Variants in KCP observed in about 807,000 individuals in gnomAD.
KCP encodes the protein kielin/chordin-like protein.
A neutral mutation model predicts 212.7 loss-of-function variants in KCP; 194 were observed. The observed-to-expected ratio is 0.91, with a 90% CI of 0.81 to 1.03. The LOEUF is 1.03. Ranked by LOEUF, KCP falls within the 50% of genes least tolerant of loss-of-function variation. The pLI is 0.00. For synonymous variants in KCP, 833 were observed against 865.3 expected (o/e 0.96, Z 0.65); for missense variants, 2,080 against 2,162.5 (o/e 0.96, Z 0.76).
chr7:128,889,164 G>A (rs1483631099), intron 21 of KCP, 125 bp from the exon 22 acceptor site: 9 of 687,522 alleles, frequency 1.3e-5, no homozygotes, highest in African/African-American at 3.8e-5. Flanking sequence ...TGGGGGCTGG[G>A]GGGTCACAGG....
At chr7:128,888,579 G>A (rs1793880973) in intron 22 of KCP, among the ~76,000 whole-genome samples, 2 of 117,414 alleles carry the variant, frequency 1.7e-5, no homozygotes, top group Non-Finnish European at 3.6e-5. Flanking sequence ...TATACACACG[G>A]CCACACACAC....
intron 23 of KCP, 60 bp from the exon 24 acceptor site, chr7:128,887,026 C>G (rs780450895): frequency 5.5e-5 from 59 of 1,080,318 alleles, no homozygotes; most frequent in Admixed American, 8.5e-5. Flanking sequence ...AGGGCTGGAG[C>G]CCCTACTGAG....
Position 128,893,384 on chromosome 7 carries a change from C to T in KCP, c.1185+7G>A, listed in dbSNP as rs550273589. Reference sequence around the variant, plus strand: ...CAGATCTGGGTGTGAGCGGAGGGACCGCCTACCTGGCAGGAGCAGCGGACA... The same window carrying T: ...CAGATCTGGGTGTGAGCGGAGGGACTGCCTACCTGGCAGGAGCAGCGGACA... On this transcript the variant is annotated splice_region_variant and intron_variant, in intron 12 of 39. Coordinates refer to ENST00000610776, the MANE Select transcript of KCP (RefSeq NM_001366122.1). The T allele has an allele frequency of 4.9e-5, 76 of 1,551,594 alleles. No homozygotes were observed. The Admixed American group carries it at 1.2e-3, about 25-fold the overall frequency.
At chr7:128,904,217 C>T (rs1382312579) in intron 5 of KCP, 79 bp from the exon 6 acceptor site, 3 of 1,526,266 alleles carry the variant, frequency 2.0e-6, no homozygotes, top group South Asian at 1.2e-5. Context: ...GGCATGACCC[C>T]AAGTAGGTAC....
At position 128,884,058 on chromosome 7, in the gene KCP, C is replaced by T; in HGVS notation, c.3188G>A (p.Cys1063Tyr). ...HRRQCPSLVG[C>Y]PPSQLLPPGP... ...AGGGGGCAGGAGCTGGCTGGGGGGG[C>T]AGCCCACCAGGCTGGGACACTGCCG... Residue 1063 changes from cysteine to tyrosine, a missense_variant, in exon 29 of 40, where the codon TGC (cysteine) becomes TAC (tyrosine). Physicochemically the swap from Cys to Tyr is radical, Grantham distance 194 (BLOSUM62 -2). Coordinates refer to ENST00000610776, the MANE Select transcript of KCP (RefSeq NM_001366122.1). The T allele has an allele frequency of 1.3e-6, 2 of 1,545,090 alleles. No homozygotes were observed. The highest frequency in any genetic ancestry group is 1.2e-5 in the South Asian group (1 of 83,676).
Position 128,891,787 on chromosome 7 carries a change from C to T in KCP, c.1654G>A (p.Gly552Ser), listed in dbSNP as rs1227197265. The part of the protein sequence containing the change: ...CILEEEVFVD[G>S]ESFSHPRDPC... ...TCTCGGGGGTGGGAGAAGCTCTCGCCGTCCACAAACACCTCTTCCTCCAGG... is the reference window on the plus strand; with the variant it reads ...TCTCGGGGGTGGGAGAAGCTCTCGCTGTCCACAAACACCTCTTCCTCCAGG... Residue 552 changes from glycine to serine, a missense_variant, in exon 17 of 40, where the codon GGC becomes AGC. Gly to Ser is a moderately conservative substitution (Grantham distance 56). Transcript: ENST00000610776. 7.6e-6 allele frequency: 11 copies of T among 1,448,430 alleles called. No individual in the cohort carries two copies. Among genetic ancestry groups the T allele is most frequent in the African/African-American group, 2.9e-5 (2 of 69,212 alleles). 89.7% of individuals were successfully genotyped at this position (1,448,430 alleles called of 1,614,324 possible).
At position 128,891,787 on chromosome 7, in the gene KCP, C is replaced by G; in HGVS notation, c.1654G>C (p.Gly552Arg). 1.4e-6 allele frequency: 2 copies of G among 1,448,548 alleles called. No individual in the cohort carries two copies. Among genetic ancestry groups the G allele is most frequent in the Non-Finnish European group, 1.8e-6 (2 of 1,098,526 alleles). The allele number at this position is 1,448,548 out of a possible 1,614,324, so 89.7% of individuals were successfully genotyped here. The change falls in exon 17 of 40, where the codon GGC becomes CGC. Residue 552 changes from glycine to arginine, a missense_variant. Physicochemically the swap from Gly to Arg is moderately radical, Grantham distance 125 (BLOSUM62 -2). Transcript: ENST00000610776. The stretch of plus-strand genomic sequence containing the variant: ...TCTCGGGGGTGGGAGAAGCTCTCGC[C>G]GTCCACAAACACCTCTTCCTCCAGG... Reference protein sequence around the residue: ...CILEEEVFVDGESFSHPRDPC... With the variant: ...CILEEEVFVDRESFSHPRDPC...
intron 26 of KCP, among the ~76,000 whole-genome samples, chr7:128,885,744 C>A (rs56284827): frequency 0.035 from 5,300 of 152,270 alleles, 298 homozygotes; most frequent in African/African-American, 0.11. Context: ...TGTAGAAACA[C>A]CACCACACTG....
chr7:128,892,891 G>C lies in KCP; in HGVS notation c.1398C>G (p.Cys466Trp). 1.3e-6 allele frequency: 2 copies of C among 1,548,954 alleles called. No homozygotes were observed. Among genetic ancestry groups the C allele is most frequent in the Non-Finnish European group, 1.7e-6 (2 of 1,145,186 alleles). Residue 466 changes from cysteine to tryptophan, a missense_variant, in exon 14 of 40, where the codon TGC becomes TGG. Transcript: ENST00000610776. ...CACCAGGGGGCTGGGTGGGGTGCTG[G>C]CAGGGGGCTGGGGGGCAGAGCACAG... is the stretch of plus-strand genomic sequence containing the variant. The part of the protein sequence containing the change: ...CGAVLCPPAP[C>W]QHPTQPPGAC...
chr7:128,893,489 A>C lies in KCP; in HGVS notation c.1100-13T>G. On this transcript the variant is annotated splice_polypyrimidine_tract_variant and intron_variant, in intron 11 of 39. Transcript: ENST00000610776. ...TGGTACTCACAGCCTGGATGGGATG[A>C]CAGGGGCGTGGGGGTATAGGGCTGG... 1 of 1,534,790 alleles carries C rather than the reference A, an allele frequency of 6.5e-7. No individual in the cohort carries two copies.
At chr7:128,887,930 TACAA>T (rs1368325912) in intron 22 of KCP, among the ~76,000 whole-genome samples, 30 of 104,888 alleles carry the variant, frequency 2.9e-4, no homozygotes, top group African/African-American at 9.2e-4. Flanking sequence ...CACACAGCCA[TACAA>T]ACACATAGCC....
At chr7:128,891,137 C>T (rs1420043061) in intron 19 of KCP, 41 bp from the exon 20 acceptor site, 1 of 1,535,428 alleles carries the variant, frequency 6.5e-7, no homozygotes, top group Non-Finnish European at 8.7e-7. Context: ...AGGAACAGGC[C>T]TCCGAGGGGA....
chr7:128,882,007 C>T lies in KCP; in HGVS notation c.3254G>A (p.Ser1085Asn). Reference protein sequence around the residue: ...HCCPTCAEALSNCSEGLLGSE... With the variant: ...HCCPTCAEALNNCSEGLLGSE... Reference sequence around the variant, plus strand: ...TCCCAGCAGGCCCTCTGAACAGTTACTCAAGGCCTCTGTGAAGACAAGAAT... The same window carrying T: ...TCCCAGCAGGCCCTCTGAACAGTTATTCAAGGCCTCTGTGAAGACAAGAAT... Residue 1085 changes from serine (S) to asparagine (N), a missense_variant, in exon 30 of 40, where the codon AGT becomes AAT. Transcript: ENST00000610776. The T allele has an allele frequency of 1.3e-6, 2 of 1,551,082 alleles. No homozygotes were observed. Among genetic ancestry groups the T allele is most frequent in the Non-Finnish European group, 1.7e-6 (2 of 1,146,850 alleles).
Position 128,893,438 on chromosome 7 carries a change from T to G in KCP, c.1138A>C (p.Thr380Pro), listed in dbSNP as rs1794307591. Residue 380 changes from threonine (T) to proline (P), a missense_variant, in exon 12 of 40, where the codon ACC becomes CCC. By Grantham distance (38) the Thr-to-Pro change is conservative (BLOSUM62 -1). Coordinates refer to ENST00000610776, the MANE Select transcript of KCP (RefSeq NM_001366122.1). ...YQGHQYQSQE[T>P]FRLQERGLCV... ...AGGCCCCGCTCTTGGAGTCTGAAGGTCTCCTGGCTCTGATACTGGTGTCCC... is the reference window on the plus strand; with the variant it reads ...AGGCCCCGCTCTTGGAGTCTGAAGGGCTCCTGGCTCTGATACTGGTGTCCC... 1 of 1,551,490 alleles carries G rather than the reference T, an allele frequency of 6.4e-7. No homozygotes were observed. The highest frequency in any genetic ancestry group is 8.7e-7 in the Non-Finnish European group (1 of 1,146,894).
At chr7:128,886,812 G>T in intron 24 of KCP, 64 bp downstream of exon 24, 1 of 1,441,006 alleles carries the variant, frequency 6.9e-7, no homozygotes, top group Non-Finnish European at 9.5e-7. Context: ...GGCCTGGCAG[G>T]AAGGGAAGGG....
chr7:128,908,332 T>C (rs1195389455), intron 2 of KCP, 94 bp downstream of exon 2: 1 of 1,180,552 alleles, frequency 8.5e-7, no homozygotes, highest in Non-Finnish European at 1.1e-6. Context: ...AGAGCTCTAT[T>C]TTAGGCTCCC....
intron 26 of KCP, among the ~76,000 whole-genome samples, chr7:128,885,675 T>C (rs564355907): frequency 6.6e-6 from 1 of 152,286 alleles, no homozygotes; most frequent in African/African-American, 2.4e-5. Context: ...TAAATGGGGA[T>C]TTCCTCTGTC....
At position 128,908,458 on chromosome 7, in the gene KCP, G is replaced by A; in HGVS notation, c.187C>T (p.Leu63=). Residue 63 remains leucine, a synonymous_variant, in exon 2 of 40, where the codon CTG becomes TTG. Transcript: ENST00000610776. ...WHPLREWLGR[L]EAAVMELREQ... The stretch of plus-strand genomic sequence containing the variant: ...CTGAGCTCCATCACTGCAGCCTCCA[G>A]TCGCCCCAGCCACTCTCGCAGGGGG... The A allele has an allele frequency of 6.4e-7, 1 of 1,551,278 alleles. No homozygotes were observed. Among genetic ancestry groups the A allele is most frequent in the Non-Finnish European group, 8.7e-7 (1 of 1,146,932 alleles).
Position 128,891,452 on chromosome 7 carries a change from A to G in KCP, c.1877T>C (p.Leu626Pro). Residue 626 changes from leucine (L) to proline (P), a missense_variant and splice_region_variant, in exon 18 of 40, where the codon CTG becomes CCG. Transcript: ENST00000610776. ...PSDPCRLCRC[L>P]SGNVQCLARR... The stretch of plus-strand genomic sequence containing the variant: ...CCTCCCACCCAGGTGCAGACTCACC[A>G]GACAGCGACACAGACGGCAGGGGTC... 1 of 1,550,388 alleles carries G rather than the reference A, an allele frequency of 6.4e-7. No homozygotes were observed.
Sources: allele counts gnomAD v4.1 joint callset (sites outside exome capture counted in the v4.1 genomes callset), GRCh38; gene constraint gnomAD v4.1.1; transcripts MANE v1.5; gene names NCBI Gene and HGNC (gene_info 2026-07-23, HGNC 2026-07-21).